Variants in MAF observed in about 807,000 individuals in gnomAD.
The protein encoded by MAF is transcription factor Maf.
MAF carries 10 observed loss-of-function variants against 22.0 expected under a neutral mutation model. The ratio of observed to expected loss-of-function variants is 0.45; its 90% CI spans 0.28 to 0.77. MAF has a LOEUF of 0.77. Among genes scored for constraint, MAF ranks in the 30% least tolerant of loss-of-function variants. The probability of loss-of-function intolerance (pLI) is 0.12; values close to 1 mark genes in which losing one functional copy is unlikely to be tolerated. For synonymous variants in MAF, 337 were observed against 255.8 expected, an observed-to-expected ratio of 1.32 and a Z score of -3.03; for missense variants, 544 against 548.4, an observed-to-expected ratio of 0.99 and a Z score of 0.08.
At chr16:79,428,785 C>G in the MAF span, among the ~76,000 whole-genome samples, 1 of 151,814 alleles carries the variant, frequency 6.6e-6, no homozygotes, top group Non-Finnish European at 1.5e-5. Context: ...GTCGAGGCTG[C>G]AGTGAGCTGA....
At chr16:79,396,982 G>T in the MAF span, among the ~76,000 whole-genome samples, 2 of 152,354 alleles carry the variant, frequency 1.3e-5, no homozygotes, top group South Asian at 2.1e-4. Flanking sequence ...TATCTACCAT[G>T]CTGTGGCTAT....
chr16:79,337,732 T>A, the MAF span, among the ~76,000 whole-genome samples: 1 of 152,176 alleles, frequency 6.6e-6, no homozygotes, highest in Non-Finnish European at 1.5e-5. Context: ...AGCACACGTG[T>A]GCACCTTATC....
At chr16:79,571,033 A>G in the MAF span, among the ~76,000 whole-genome samples, 1 of 152,076 alleles carries the variant, frequency 6.6e-6, no homozygotes, top group Admixed American at 6.5e-5. Flanking sequence ...TGACTTTCCC[A>G]AAGTCACAAA....
At chr16:79,426,406 C>T in the MAF span, among the ~76,000 whole-genome samples, 2 of 151,934 alleles carry the variant, frequency 1.3e-5, no homozygotes, top group African/African-American at 2.4e-5. Flanking sequence ...TTTTTTTATT[C>T]GTTGTTGAAT....
At chr16:79,416,828 T>C in the MAF span, among the ~76,000 whole-genome samples, 1 of 152,230 alleles carries the variant, frequency 6.6e-6, no homozygotes, top group African/African-American at 2.4e-5. Context: ...TTTTGACTAT[T>C]TCTTCATGGG....
chr16:79,367,664 G>A, the MAF span, among the ~76,000 whole-genome samples: 1 of 152,150 alleles, frequency 6.6e-6, no homozygotes. Context: ...CACTGGAAAG[G>A]TAGTCAGTGT....
chr16:79,321,581 C>T, the MAF span, among the ~76,000 whole-genome samples: 2 of 151,488 alleles, frequency 1.3e-5, no homozygotes, highest in African/African-American at 4.9e-5. Context: ...AAGGCATCAC[C>T]AGAGGCACAG....
At chr16:79,561,369 G>C in the MAF span, among the ~76,000 whole-genome samples, 1 of 151,370 alleles carries the variant, frequency 6.6e-6, no homozygotes, top group Non-Finnish European at 1.5e-5. Flanking sequence ...ACAACGTGCA[G>C]GTTAGTTACA....
chr16:79,221,459 G>C, the MAF span, among the ~76,000 whole-genome samples: 3 of 151,954 alleles, frequency 2.0e-5, no homozygotes, highest in East Asian at 1.9e-4. Context: ...AGGAGCAGAA[G>C]ACATGAAAAA....
At chr16:79,430,396 C>A in the MAF span, among the ~76,000 whole-genome samples, 1 of 152,186 alleles carries the variant, frequency 6.6e-6, no homozygotes, top group African/African-American at 2.4e-5. Flanking sequence ...ACACCTCGGA[C>A]GCTTTTGACA....
At chr16:79,551,238 G>A in the MAF span, among the ~76,000 whole-genome samples, 7 of 152,112 alleles carry the variant, frequency 4.6e-5, no homozygotes, top group Non-Finnish European at 8.8e-5. Context: ...CCCCACTGGA[G>A]TCAGACTGTA....
At chr16:79,212,193 TCTC>T in the MAF span, 5 of 1,463,078 alleles carry the variant, frequency 3.4e-6, no homozygotes, top group Admixed American at 2.6e-5. Context: ...GGGCTGGCCT[TCTC>T]CTACTTAGGG....
the MAF span, among the ~76,000 whole-genome samples, chr16:79,366,312 G>A: frequency 6.6e-6 from 1 of 152,210 alleles, no homozygotes; most frequent in Non-Finnish European, 1.5e-5. Context: ...CTTAAGTAGA[G>A]GATAGCAGTC....
At chr16:79,558,705 A>T in the MAF span, among the ~76,000 whole-genome samples, 4 of 152,206 alleles carry the variant, frequency 2.6e-5, no homozygotes, top group African/African-American at 7.2e-5. Flanking sequence ...CAGATACTCC[A>T]TGCCTTTCTA....
chr16:79,574,437 C>G, the MAF span, among the ~76,000 whole-genome samples: 18,387 of 152,234 alleles, frequency 0.12, 1,175 homozygotes, highest in African/African-American at 0.14. Context: ...TCTCTTTTCT[C>G]TGCAGAATGT....
the MAF span, among the ~76,000 whole-genome samples, chr16:79,497,413 T>C: frequency 6.6e-6 from 1 of 152,204 alleles, no homozygotes; most frequent in African/African-American, 2.4e-5. Flanking sequence ...CCCTGTTAGC[T>C]GTGAGTGCCT....
At chr16:79,212,421 G>T in the MAF span, 1 of 362,250 alleles carries the variant, frequency 2.8e-6, no homozygotes, top group East Asian at 4.5e-5. Context: ...CTTTGCTAAT[G>T]CTATGCAAAA....
chr16:79,275,250 G>A, the MAF span, among the ~76,000 whole-genome samples: 1 of 152,136 alleles, frequency 6.6e-6, no homozygotes, highest in South Asian at 2.1e-4. Flanking sequence ...TAGCTATTCA[G>A]GAGGCTGAGG....
the MAF span, among the ~76,000 whole-genome samples, chr16:79,330,801 G>T: frequency 1.3e-5 from 2 of 152,204 alleles, no homozygotes; most frequent in Non-Finnish European, 2.9e-5. Flanking sequence ...GGAATGTGTG[G>T]CTTGCAGAGA....
Sources: allele counts gnomAD v4.1 joint callset (sites outside exome capture counted in the v4.1 genomes callset), GRCh38; gene constraint gnomAD v4.1.1; transcripts MANE v1.5; gene names NCBI Gene and HGNC (gene_info 2026-07-23, HGNC 2026-07-21).